The following NEMP2 variants were observed in gnomAD, a reference collection of about 807,000 sequenced individuals.
The protein encoded by NEMP2 is nuclear envelope integral membrane protein 2.
NEMP2 carries 53 observed loss-of-function variants against 54.2 expected under a neutral mutation model. The observed-to-expected ratio is 0.98, with a 90% CI of 0.78 to 1.23. NEMP2 has a LOEUF of 1.23. Ranked by LOEUF, NEMP2 falls within the 50% of genes most tolerant of loss-of-function variation. NEMP2 has a pLI of 0.00. For synonymous variants in NEMP2, 197 were observed against 190.3 expected (o/e 1.04, Z -0.29); for missense variants, 455 against 511.3 (o/e 0.89, Z 1.06).
chr2:190,503,470 C>A (rs1240183665), downstream of NEMP2, among the ~76,000 whole-genome samples: 3 of 152,204 alleles, frequency 2.0e-5, no homozygotes, highest in African/African-American at 7.2e-5. This position sits in a 1 kb window ranked among gnomAD's most constrained non-coding sequence, Gnocchi z 6.3. Context: ...CTCAAGGCTA[C>A]CATACTGGAC....
Position 190,522,468 on chromosome 2 carries a change from T to C in NEMP2, c.213+2795A>G, listed in dbSNP as rs1196559148. Among the ~76,000 whole-genome samples the C allele has an allele frequency of 6.6e-6, 1 of 152,042 alleles. No individual in the cohort carries two copies. The highest frequency in any genetic ancestry group is 2.4e-5 in the African/African-American group (1 of 41,410). The stretch of plus-strand genomic sequence containing the variant: ...AGAATAAAAAGGTAAACAAAACTTG[T>C]AAACCAAAAATAAAATTCTAACACC... On this transcript the variant is annotated intron_variant, in intron 2 of 8. Transcript: ENST00000409150. This position sits in a 1 kb window ranked among gnomAD's most constrained non-coding sequence, Gnocchi z 5.0.
chr2:190,570,838 ATGTTT>A, the NEMP2 span, among the ~76,000 whole-genome samples: 1 of 152,230 alleles, frequency 6.6e-6, no homozygotes, highest in African/African-American at 2.4e-5. This position sits in a 1 kb window ranked among gnomAD's most constrained non-coding sequence, Gnocchi z 5.4. Flanking sequence ...ATGTCTTTAC[ATGTTT>A]TAGTAACTGC....
the NEMP2 span, among the ~76,000 whole-genome samples, chr2:190,421,604 G>A: frequency 2.0e-5 from 3 of 151,978 alleles, no homozygotes; most frequent in Non-Finnish European, 4.4e-5. Flanking sequence ...ATTTATTTGA[G>A]ACAGTTCTCA....
chr2:190,430,265 C>T, the NEMP2 span, among the ~76,000 whole-genome samples: 1 of 146,220 alleles, frequency 6.8e-6, no homozygotes, highest in African/African-American at 2.5e-5. Context: ...GGGGATTTGG[C>T]AGGGTCATAG....
chr2:190,595,782 C>T, the NEMP2 span, among the ~76,000 whole-genome samples: 2 of 152,150 alleles, frequency 1.3e-5, no homozygotes, highest in Admixed American at 1.3e-4. This position sits in a 1 kb window ranked among gnomAD's most constrained non-coding sequence, Gnocchi z 4.0. Context: ...GAAATAGGAA[C>T]GCTTTTACAC....
At chr2:190,635,547 C>A in the NEMP2 span, among the ~76,000 whole-genome samples, 3 of 152,318 alleles carry the variant, frequency 2.0e-5, no homozygotes, top group South Asian at 6.2e-4. This position sits in a 1 kb window ranked among gnomAD's most constrained non-coding sequence, Gnocchi z 4.1. Flanking sequence ...ACTTGATCAA[C>A]ATCTTGTTTG....
chr2:190,529,445 A>AAGATCT lies in NEMP2; in HGVS notation c.98-4068_98-4067insAGATCT, dbSNP rs1222696724. Among the ~76,000 whole-genome samples, 1 of 152,072 alleles carries AAGATCT rather than the reference A, an allele frequency of 6.6e-6. No individual in the cohort carries two copies. The highest frequency in any genetic ancestry group is 1.5e-5 in the Non-Finnish European group (1 of 68,022). ...ACCTTCTTCTCCCAGATCTTGGCAG[A>AAGATCT]GCTCATCCCTTCCAATCACTGATAT... On this transcript the variant is annotated intron_variant, in intron 1 of 8. Coordinates refer to ENST00000409150, the MANE Select transcript of NEMP2 (RefSeq NM_001142645.2). The surrounding 1 kb of genome is among the most constrained non-coding windows in gnomAD (Gnocchi z 4.7).
the NEMP2 span, chr2:190,469,779 C>A: frequency 1.9e-5 from 31 of 1,603,048 alleles, no homozygotes; most frequent in Non-Finnish European, 2.5e-5. This position sits in a 1 kb window ranked among gnomAD's most constrained non-coding sequence, Gnocchi z 5.3. Flanking sequence ...TTGGCCTGGC[C>A]TGCAATACGG....
rs116746884 is a variant in NEMP2 at position 190,529,363 on chromosome 2, C to A, written c.98-3985G>T. 1.3e-3 allele frequency among the ~76,000 whole-genome samples: 191 copies of A among 152,236 alleles called. 1 individual carries two copies. The highest frequency in any genetic ancestry group is 4.3e-3 in the African/African-American group (177 of 41,524). On this transcript the variant is annotated intron_variant, in intron 1 of 8. Transcript: ENST00000409150. This position sits in a 1 kb window ranked among gnomAD's most constrained non-coding sequence, Gnocchi z 4.7. ...GCCCACTGCTCCAGCCACAGCTGGC[C>A]TTCCTGTCCTCAAGATGCCAGCGAG...
the NEMP2 span, among the ~76,000 whole-genome samples, chr2:190,482,131 T>C: frequency 1.3e-5 from 2 of 152,226 alleles, no homozygotes; most frequent in African/African-American, 4.8e-5. Flanking sequence ...CTCTGTCAGC[T>C]GGATATTGAT....
At chr2:190,435,788 G>A in the NEMP2 span, 1 of 475,046 alleles carries the variant, frequency 2.1e-6, no homozygotes, top group East Asian at 3.5e-5. Context: ...TGGCCATAAA[G>A]AGTATTCGAT....
chr2:190,603,940 T>C, the NEMP2 span, among the ~76,000 whole-genome samples: 2 of 152,178 alleles, frequency 1.3e-5, no homozygotes, highest in Admixed American at 1.3e-4. Flanking sequence ...TCAGATCTCC[T>C]CTACCATTTT....
chr2:190,572,833 G>GCATATATATATATA, the NEMP2 span, among the ~76,000 whole-genome samples: 3 of 47,862 alleles, frequency 6.3e-5, no homozygotes, highest in Admixed American at 7.9e-4. Flanking sequence ...CTTTTCATGA[G>GCATATATATATATA]TATATATATA....
chr2:190,452,762 C>T, the NEMP2 span, among the ~76,000 whole-genome samples: 18 of 152,300 alleles, frequency 1.2e-4, no homozygotes, highest in Non-Finnish European at 2.1e-4. Flanking sequence ...AGTGCCCCCA[C>T]GTCCCCAAAT....
chr2:190,455,252 A>G, the NEMP2 span, among the ~76,000 whole-genome samples: 189 of 150,404 alleles, frequency 1.3e-3, 5 homozygotes, highest in East Asian at 0.032. Flanking sequence ...TATGACTTTC[A>G]TTATTACTAT....
rs1342378079 is a variant in NEMP2, at chr2:190,528,666, T to C, written c.98-3288A>G. On this transcript the variant is annotated intron_variant, in intron 1 of 8. Transcript: ENST00000409150. The surrounding 1 kb of genome is among the most constrained non-coding windows in gnomAD (Gnocchi z 4.3). ...CTGCAATTCTTCTAGTGAGTGCTGCTACTTCAAGGGCTAAATCAACTCTCA... is the reference window on the plus strand; with the variant it reads ...CTGCAATTCTTCTAGTGAGTGCTGCCACTTCAAGGGCTAAATCAACTCTCA... Among the ~76,000 whole-genome samples, 1 of 152,170 alleles carries C rather than the reference T, an allele frequency of 6.6e-6. No homozygotes were observed. Among genetic ancestry groups the C allele is most frequent in the Admixed American group, 6.5e-5 (1 of 15,272 alleles).
rs1014229743 is a variant in NEMP2 at position 190,529,642 on chromosome 2, C to G, written c.98-4264G>C. Among the ~76,000 whole-genome samples, 1 of 152,164 alleles carries G rather than the reference C, an allele frequency of 6.6e-6. No homozygotes were observed. Among genetic ancestry groups the G allele is most frequent in the African/African-American group, 2.4e-5 (1 of 41,410 alleles). On this transcript the variant is annotated intron_variant, in intron 1 of 8. Coordinates refer to ENST00000409150, the MANE Select transcript of NEMP2 (RefSeq NM_001142645.2). The surrounding 1 kb of genome is among the most constrained non-coding windows in gnomAD (Gnocchi z 4.7). ...GGACATTGCATGTTTATCACTGTAA[C>G]CCCCAGAACTTAAATATTTATCTTT...
chr2:190,642,187 G>A, the NEMP2 span, among the ~76,000 whole-genome samples: 2 of 152,108 alleles, frequency 1.3e-5, no homozygotes, highest in African/African-American at 4.8e-5. This position sits in a 1 kb window ranked among gnomAD's most constrained non-coding sequence, Gnocchi z 4.1. Context: ...CTCATCCTGG[G>A]AACCTAACCA....
rs1285563501 is a variant in NEMP2, at chr2:190,531,598, A to G, written c.97+2961T>C. On this transcript the variant is annotated intron_variant, in intron 1 of 8. Coordinates refer to ENST00000409150, the MANE Select transcript of NEMP2 (RefSeq NM_001142645.2). The surrounding 1 kb of genome is among the most constrained non-coding windows in gnomAD (Gnocchi z 4.7). ...AGTCAGGGTTCCCTTAACCAATGAG[A>G]TAGATTCCTTAGTTCATTTTAAATA... Among the ~76,000 whole-genome samples the G allele has an allele frequency of 6.6e-6, 1 of 152,184 alleles. No individual in the cohort carries two copies.
Sources: gnomAD v4.1 joint callset for allele counts (sites outside exome capture counted in the v4.1 genomes callset) on GRCh38, gnomAD v4.1.1 for gene constraint, Gnocchi (gnomAD v3.1) non-coding constraint, MANE v1.5 for transcripts, NCBI Gene and HGNC (gene_info 2026-07-23, HGNC 2026-07-21) for gene names.